The following TTC28 variants were observed in gnomAD, a reference collection of about 807,000 sequenced individuals.
The protein encoded by TTC28 is tetratricopeptide repeat protein 28.
A neutral mutation model predicts 198.0 loss-of-function variants in TTC28; 61 were observed. The ratio of observed to expected loss-of-function variants is 0.31; its 90% CI spans 0.25 to 0.38. The LOEUF (loss-of-function observed/expected upper bound fraction) is 0.38, where lower values mean the gene tolerates loss of function less well. Among genes scored for constraint, TTC28 ranks in the 10% least tolerant of loss-of-function variants. TTC28 has a pLI of 1.00. For synonymous variants in TTC28, 1,171 were observed against 1,297.8 expected (o/e 0.90, Z 2.10); for missense variants, 2,678 against 3,164.0 (o/e 0.85, Z 3.69).
At chr22:28,156,831 T>C (rs1943759142) in intron 6 of TTC28, among the ~76,000 whole-genome samples, 1 of 152,050 alleles carries the variant, frequency 6.6e-6, no homozygotes, top group Admixed American at 6.6e-5. Flanking sequence ...TTTATAGCTA[T>C]AAGTGCCTAC....
chr22:28,437,107 G>C (rs953568927), intron 2 of TTC28, among the ~76,000 whole-genome samples: 1 of 151,856 alleles, frequency 6.6e-6, no homozygotes, highest in African/African-American at 2.4e-5. Context: ...TTTTGAGACA[G>C]AGTCTCGCTC....
At chr22:28,552,829 G>C (rs551894023) in intron 2 of TTC28, among the ~76,000 whole-genome samples, 75 of 140,622 alleles carry the variant, frequency 5.3e-4, no homozygotes, top group African/African-American at 1.8e-3. Flanking sequence ...GTCTCCCTCT[G>C]ATGCCGAGCC....
chr22:28,386,970 T>C (rs1406484190), intron 2 of TTC28, among the ~76,000 whole-genome samples: 2 of 152,134 alleles, frequency 1.3e-5, no homozygotes, highest in Non-Finnish European at 2.9e-5. Flanking sequence ...ATTAGGTATA[T>C]CACCCAATGC....
At chr22:28,223,062 T>C (rs958568141) in intron 5 of TTC28, among the ~76,000 whole-genome samples, 34 of 152,184 alleles carry the variant, frequency 2.2e-4, no homozygotes, top group African/African-American at 8.2e-4. Flanking sequence ...AGAGAAAATA[T>C]CCAGGAACTG....
At chr22:28,228,894 C>G (rs780164925) in intron 5 of TTC28, among the ~76,000 whole-genome samples, 2 of 152,130 alleles carry the variant, frequency 1.3e-5, no homozygotes, top group Non-Finnish European at 2.9e-5. Flanking sequence ...TGGTGGCTCA[C>G]GCCTGTAATC....
chr22:27,999,201 G>C lies in TTC28; in HGVS notation c.4458C>G (p.Ile1486Met), dbSNP rs866979937. ...YSSSTSMAAV[I>M]GNPKLPSAVM... ...CGGCCGATGGTAGCTTGGGGTTGCC[G>C]ATGACAGCCGCCATGGATGTGGAGC... is the stretch of plus-strand genomic sequence containing the variant. The change falls in exon 16 of 23, where the codon ATC (isoleucine) becomes ATG (methionine). Residue 1486 changes from isoleucine (I) to methionine (M), a missense_variant. Ile to Met is a conservative substitution (Grantham distance 10). Coordinates refer to ENST00000397906, the MANE Select transcript of TTC28 (RefSeq NM_001145418.2). 5.7e-5 allele frequency: 88 copies of C among 1,550,972 alleles called. No individual in the cohort carries two copies. In the East Asian group the frequency reaches 2.0e-3, roughly 35 times the overall value.
chr22:28,036,793 G>C (rs868493186), intron 12 of TTC28, among the ~76,000 whole-genome samples: 1 of 152,118 alleles, frequency 6.6e-6, no homozygotes, highest in South Asian at 2.1e-4. Context: ...AAGAAGAAAA[G>C]AGAGAAGAAT....
chr22:28,577,817 T>C (rs2050174828), intron 2 of TTC28, among the ~76,000 whole-genome samples: 1 of 152,088 alleles, frequency 6.6e-6, no homozygotes, highest in Non-Finnish European at 1.5e-5. Flanking sequence ...TTGCATGGAG[T>C]ATCTTTTTCC....
intron 3 of TTC28, among the ~76,000 whole-genome samples, chr22:28,300,898 C>T (rs1238437119): frequency 2.0e-5 from 3 of 152,154 alleles, no homozygotes; most frequent in African/African-American, 7.2e-5. Flanking sequence ...GAGCTAAATA[C>T]ATACAGACAC....
chr22:28,352,981 A>G (rs753392853), intron 2 of TTC28, among the ~76,000 whole-genome samples: 1 of 152,226 alleles, frequency 6.6e-6, no homozygotes, highest in Non-Finnish European at 1.5e-5. Flanking sequence ...GAAATAAAAA[A>G]GAGGGTACTT....
chr22:28,296,350 A>G lies in TTC28; in HGVS notation c.803-22T>C, dbSNP rs534600422. On this transcript the variant is annotated intron_variant, in intron 4 of 22. Coordinates refer to ENST00000397906, the MANE Select transcript of TTC28 (RefSeq NM_001145418.2). The stretch of plus-strand genomic sequence containing the variant: ...TCACCTGGATTGAATTGAGAAAAAA[A>G]AAAAGAAAAAATTTCTCTAAGTTAT... 62 of 1,492,582 alleles carry G rather than the reference A, an allele frequency of 4.2e-5. 1 individual carries two copies. The African/African-American group carries it at 7.8e-4, about 19-fold the overall frequency. The allele number at this position is 1,492,582 out of a possible 1,614,324, so 92.5% of individuals were successfully genotyped here.
chr22:28,035,821 A>G (rs766051856), intron 12 of TTC28, among the ~76,000 whole-genome samples: 9 of 152,190 alleles, frequency 5.9e-5, no homozygotes, highest in Non-Finnish European at 1.3e-4. Flanking sequence ...AAAGAAAAAC[A>G]GCAGGGGTTG....
At chr22:28,335,752 G>C (rs1048119892) in intron 2 of TTC28, among the ~76,000 whole-genome samples, 1 of 152,130 alleles carries the variant, frequency 6.6e-6, no homozygotes, top group Non-Finnish European at 1.5e-5. Context: ...AGATGATGGG[G>C]TTTTCTAGAT....
At chr22:28,139,600 GA>G (rs1158227388) in intron 6 of TTC28, among the ~76,000 whole-genome samples, 2 of 152,076 alleles carry the variant, frequency 1.3e-5, no homozygotes, top group Non-Finnish European at 2.9e-5. Flanking sequence ...ATACTGCAAG[GA>G]AGGAAATGCT....
At chr22:28,285,924 A>C (rs1228915575) in intron 5 of TTC28, among the ~76,000 whole-genome samples, 2 of 152,188 alleles carry the variant, frequency 1.3e-5, no homozygotes, top group African/African-American at 4.8e-5. Context: ...TGGCACACCC[A>C]TAATACATAC....
chr22:28,011,591 G>A (rs1247282032), intron 14 of TTC28, among the ~76,000 whole-genome samples: 3 of 152,090 alleles, frequency 2.0e-5, no homozygotes, highest in Admixed American at 6.5e-5. Flanking sequence ...GCAAGACTCT[G>A]TCTTAAAAAT....
intron 12 of TTC28, among the ~76,000 whole-genome samples, chr22:28,081,509 T>TC (rs1036585231): frequency 3.3e-5 from 5 of 151,132 alleles, no homozygotes; most frequent in Non-Finnish European, 3.0e-5. Flanking sequence ...TTTTTTTTTT[T>TC]TTAGGTGGAG....
chr22:28,411,032 T>A (rs1204610004), intron 2 of TTC28, among the ~76,000 whole-genome samples: 1 of 79,834 alleles, frequency 1.3e-5, no homozygotes, highest in African/African-American at 4.8e-5. Flanking sequence ...AAGACTTCAT[T>A]TTTATTCAAT....
intron 2 of TTC28, among the ~76,000 whole-genome samples, chr22:28,400,662 T>C (rs1013678196): frequency 2.6e-5 from 4 of 152,196 alleles, no homozygotes; most frequent in Non-Finnish European, 4.4e-5. Flanking sequence ...CTTTTCCCAA[T>C]CTGGAAGAAA....
Sources: gnomAD v4.1 joint callset for allele counts (sites outside exome capture counted in the v4.1 genomes callset) on GRCh38, gnomAD v4.1.1 for gene constraint, MANE v1.5 for transcripts, NCBI Gene and HGNC (gene_info 2026-07-23, HGNC 2026-07-21) for gene names.